Variants in PTPRN2 observed in about 807,000 individuals in gnomAD.
The protein encoded by PTPRN2 is receptor-type tyrosine-protein phosphatase N2.
A neutral mutation model predicts 118.8 loss-of-function variants in PTPRN2; 74 were observed. The observed-to-expected ratio is 0.62, with a 90% CI of 0.52 to 0.76. The LOEUF is 0.76. Among genes scored for constraint, PTPRN2 ranks in the 30% least tolerant of loss-of-function variants. PTPRN2 has a pLI of 0.00. For synonymous variants in PTPRN2, 641 were observed against 608.0 expected, an observed-to-expected ratio of 1.05 and a Z score of -0.80; for missense variants, 1,481 against 1,394.4, an observed-to-expected ratio of 1.06 and a Z score of -0.99.
At position 157,861,121 on chromosome 7, in the gene PTPRN2, T is replaced by C. The variant is rs573524648; in HGVS notation, c.1788+37552A>G. Among the ~76,000 whole-genome samples, 1 of 152,128 alleles carries C rather than the reference T, an allele frequency of 6.6e-6. No individual in the cohort carries two copies. Among genetic ancestry groups the C allele is most frequent in the Non-Finnish European group, 1.5e-5 (1 of 68,006 alleles). On this transcript the variant is annotated intron_variant, in intron 12 of 22. Coordinates refer to ENST00000389418, the MANE Select transcript of PTPRN2 (RefSeq NM_002847.5). This position sits in a 1 kb window ranked among gnomAD's most constrained non-coding sequence, Gnocchi z 5.8. ...CATGTGGGACCCCAGCACGGGCGCTTTGGGATGTCGGCAGAGGCACGCATG... is the reference window on the plus strand; with the variant it reads ...CATGTGGGACCCCAGCACGGGCGCTCTGGGATGTCGGCAGAGGCACGCATG...
At chr7:158,218,875 G>T (rs1828145354) in intron 3 of PTPRN2, among the ~76,000 whole-genome samples, 1 of 152,176 alleles carries the variant, frequency 6.6e-6, no homozygotes, top group African/African-American at 2.4e-5. Flanking sequence ...AATTCAACAA[G>T]AAGACTTAAC....
chr7:157,626,606 T>C (rs1249450910), intron 14 of PTPRN2, among the ~76,000 whole-genome samples: 1 of 152,210 alleles, frequency 6.6e-6, no homozygotes, highest in Admixed American at 6.5e-5. Flanking sequence ...CGTCACATTC[T>C]TCCTGTTGCT....
intron 2 of PTPRN2, among the ~76,000 whole-genome samples, chr7:158,328,424 C>T (rs1469546924): frequency 2.6e-5 from 4 of 152,178 alleles, no homozygotes; most frequent in Non-Finnish European, 5.9e-5. Flanking sequence ...TCAAGGATTT[C>T]GTTACAGTTC....
chr7:158,013,557 ATACATTAATC>A (rs1393549895), intron 11 of PTPRN2, among the ~76,000 whole-genome samples: 1 of 151,720 alleles, frequency 6.6e-6, no homozygotes, highest in African/African-American at 2.4e-5. Flanking sequence ...CTATCCAAAC[ATACATTAATC>A]TACCAATTCA....
chr7:158,567,986 C>T (rs1827761870), intron 1 of PTPRN2, among the ~76,000 whole-genome samples: 1 of 152,228 alleles, frequency 6.6e-6, no homozygotes, highest in South Asian at 2.1e-4. Context: ...GGTGCAGTGG[C>T]TCACATCTGT....
intron 2 of PTPRN2, among the ~76,000 whole-genome samples, chr7:158,436,840 T>C (rs564973352): frequency 6.6e-6 from 1 of 152,194 alleles, no homozygotes; most frequent in Non-Finnish European, 1.5e-5. Flanking sequence ...TAAACTTTGG[T>C]TTTTACTAAT....
intron 11 of PTPRN2, among the ~76,000 whole-genome samples, chr7:157,997,066 G>C (rs1804803692): frequency 6.6e-6 from 1 of 152,232 alleles, no homozygotes; most frequent in African/African-American, 2.4e-5. Context: ...GGGGCCCAGG[G>C]AGGGCTCGGC....
chr7:158,472,197 T>C (rs1334382503), intron 2 of PTPRN2, among the ~76,000 whole-genome samples: 1 of 152,214 alleles, frequency 6.6e-6, no homozygotes, highest in East Asian at 1.9e-4. Context: ...GTAGCAAATC[T>C]AGAACCTGCA....
intron 3 of PTPRN2, among the ~76,000 whole-genome samples, chr7:158,287,392 C>A (rs2878440): frequency 0.26 from 39,973 of 151,736 alleles, 5,607 homozygotes; most frequent in East Asian, 0.41. Flanking sequence ...TTTTATAGTA[C>A]CTTGAGGTGT....
rs899571920 is a variant in PTPRN2 at position 158,003,542 on chromosome 7, C to T, written c.1723+77756G>A. On this transcript the variant is annotated intron_variant, in intron 11 of 22. Transcript: ENST00000389418. The surrounding 1 kb of genome is among the most constrained non-coding windows in gnomAD (Gnocchi z 5.0). ...AGGACAGCCCCTGAGGACGTGGCCA[C>T]GACGCAGCCACCGTGAGCCAGGGAA... 6.6e-6 allele frequency among the ~76,000 whole-genome samples: 1 copy of T among 152,094 alleles called. No homozygotes were observed. Among genetic ancestry groups the T allele is most frequent in the Non-Finnish European group, 1.5e-5 (1 of 67,982 alleles).
chr7:158,370,382 G>C (rs1232256184), intron 2 of PTPRN2, among the ~76,000 whole-genome samples: 1 of 151,998 alleles, frequency 6.6e-6, no homozygotes, highest in Non-Finnish European at 1.5e-5. Flanking sequence ...GTTGCAGTGA[G>C]CCGAGATTGT....
intron 12 of PTPRN2, among the ~76,000 whole-genome samples, chr7:157,812,616 T>C (rs1183230618): frequency 6.6e-6 from 1 of 152,186 alleles, no homozygotes; most frequent in African/African-American, 2.4e-5. Flanking sequence ...CTGAGAAAGC[T>C]GTAAGCGAGA....
chr7:158,488,424 C>A (rs1306404219), intron 2 of PTPRN2, among the ~76,000 whole-genome samples: 3 of 152,212 alleles, frequency 2.0e-5, no homozygotes, highest in African/African-American at 4.8e-5. Context: ...CCTCTTGGCG[C>A]CTCCACCGTG....
At chr7:158,108,430 G>A (rs1243271874) in intron 10 of PTPRN2, among the ~76,000 whole-genome samples, 1 of 152,040 alleles carries the variant, frequency 6.6e-6, no homozygotes, top group East Asian at 1.9e-4. Flanking sequence ...TCCCTAAATG[G>A]CCTCTCTGTC....
At chr7:157,978,108 T>C (rs1802884826) in intron 11 of PTPRN2, among the ~76,000 whole-genome samples, 1 of 151,994 alleles carries the variant, frequency 6.6e-6, no homozygotes, top group African/African-American at 2.4e-5. Context: ...AAAAGAGGTT[T>C]ACAGATGCCT....
rs960633244 is a variant in PTPRN2 at position 157,611,119 on chromosome 7, G to A, written c.2345-7044C>T. 2.0e-5 allele frequency among the ~76,000 whole-genome samples: 3 copies of A among 152,166 alleles called. No individual in the cohort carries two copies. The highest frequency in any genetic ancestry group is 6.5e-5 in the Admixed American group (1 of 15,284). On this transcript the variant is annotated intron_variant, in intron 15 of 22. Coordinates refer to ENST00000389418, the MANE Select transcript of PTPRN2 (RefSeq NM_002847.5). This position sits in a 1 kb window ranked among gnomAD's most constrained non-coding sequence, Gnocchi z 5.9. ...GGTGTCCGGCTTCCACACTGGACGC[G>A]TCAAAAGCAGGTCCCAGAGGAGCAA...
intron 11 of PTPRN2, among the ~76,000 whole-genome samples, chr7:158,007,730 A>ATGTGTGTGAGGGTGTGTGTGGCTGTGC (rs1805730354): frequency 6.6e-6 from 1 of 151,886 alleles, no homozygotes; most frequent in African/African-American, 2.4e-5. Context: ...TGTGCATTGC[A>ATGTGTGTGAGGGTGTGTGTGGCTGTGC]TGTGTGTGAG....
Position 157,925,677 on chromosome 7 carries a change from G to A in PTPRN2, c.1724-26940C>T, listed in dbSNP as rs376378048. Among the ~76,000 whole-genome samples the A allele has an allele frequency of 6.6e-5, 10 of 152,214 alleles. No homozygotes were observed. In the East Asian group the frequency reaches 7.8e-4, roughly 12 times the overall value. On this transcript the variant is annotated intron_variant, in intron 11 of 22. Coordinates refer to ENST00000389418, the MANE Select transcript of PTPRN2 (RefSeq NM_002847.5). ...ACACCCAGGAGCCGCTGGGGACCCTGTTAAAATGCAGACCCTGATGCAGAA... is the reference window on the plus strand; with the variant it reads ...ACACCCAGGAGCCGCTGGGGACCCTATTAAAATGCAGACCCTGATGCAGAA...
chr7:158,329,768 C>A (rs1023784553), intron 2 of PTPRN2, among the ~76,000 whole-genome samples: 1 of 152,140 alleles, frequency 6.6e-6, no homozygotes, highest in East Asian at 1.9e-4. Flanking sequence ...CAGAGTTGGC[C>A]TGGGAGTCGC....
Sources: allele counts gnomAD v4.1 joint callset (sites outside exome capture counted in the v4.1 genomes callset), GRCh38; gene constraint gnomAD v4.1.1; non-coding constraint Gnocchi (gnomAD v3.1); transcripts MANE v1.5; gene names NCBI Gene and HGNC (gene_info 2026-07-23, HGNC 2026-07-21).